PTPRD: variants seen among roughly 807,000 people sequenced by gnomAD.
PTPRD encodes the protein protein tyrosine phosphatase receptor type D, also known as receptor-type tyrosine-protein phosphatase delta.
A neutral mutation model predicts 214.5 loss-of-function variants in PTPRD; 34 were observed. The observed-to-expected ratio is 0.16, with a 90% CI of 0.12 to 0.21. The LOEUF is 0.21. Ranked by LOEUF, PTPRD falls within the 10% of genes least tolerant of loss-of-function variation. The probability of loss-of-function intolerance (pLI) is 1.00; values close to 1 mark genes in which losing one functional copy is unlikely to be tolerated. For missense variants in PTPRD, 2,545 were observed against 2,398.7 expected, an observed-to-expected ratio of 1.06 and a Z score of -1.27; for synonymous variants, 1,128 against 845.7, an observed-to-expected ratio of 1.33 and a Z score of -5.79.
intron 11 of PTPRD, among the ~76,000 whole-genome samples, chr9:8,980,166 T>A (rs1197924851): frequency 6.6e-6 from 1 of 151,988 alleles, no homozygotes; most frequent in Non-Finnish European, 1.5e-5. Context: ...CATATGTGAA[T>A]TTTTTTAAAA....
intron 9 of PTPRD, among the ~76,000 whole-genome samples, chr9:9,238,147 G>A (rs952966897): frequency 2.6e-5 from 4 of 151,980 alleles, no homozygotes; most frequent in Non-Finnish European, 4.4e-5. Context: ...TCCAGGAAAG[G>A]CACTATTGAC....
intron 11 of PTPRD, among the ~76,000 whole-genome samples, chr9:8,905,591 T>G (rs1013476771): frequency 6.6e-6 from 1 of 151,776 alleles, no homozygotes; most frequent in African/African-American, 2.4e-5. Flanking sequence ...ATACAAAAAT[T>G]AGTTGGGCAT....
chr9:10,311,549 C>G (rs560876579), intron 3 of PTPRD, among the ~76,000 whole-genome samples: 32 of 152,114 alleles, frequency 2.1e-4, no homozygotes, highest in Non-Finnish European at 3.5e-4. Context: ...TATGCTCATT[C>G]TATCCTGCAT....
At chr9:9,959,693 G>C (rs772143733) in intron 4 of PTPRD, among the ~76,000 whole-genome samples, 12 of 152,124 alleles carry the variant, frequency 7.9e-5, no homozygotes, top group Non-Finnish European at 1.6e-4. Flanking sequence ...TACTTGAGTT[G>C]ATAAAGTTGT....
chr9:8,820,281 A>G (rs1037074509), intron 11 of PTPRD, among the ~76,000 whole-genome samples: 1 of 152,140 alleles, frequency 6.6e-6, no homozygotes, highest in African/African-American at 2.4e-5. Flanking sequence ...ATGAAAGGTC[A>G]CTCAGCTAGT....
intron 3 of PTPRD, among the ~76,000 whole-genome samples, chr9:10,305,878 T>A (rs2096050097): frequency 6.6e-6 from 1 of 152,062 alleles, no homozygotes; most frequent in Non-Finnish European, 1.5e-5. Context: ...TCCTCAAGGA[T>A]CTAGAACTAG....
intron 4 of PTPRD, among the ~76,000 whole-genome samples, chr9:10,007,198 A>C (rs187636913): frequency 6.6e-6 from 1 of 152,178 alleles, no homozygotes; most frequent in East Asian, 1.9e-4. Flanking sequence ...GCACTAAACT[A>C]TATAAACCTT....
intron 3 of PTPRD, among the ~76,000 whole-genome samples, chr9:10,166,653 T>C (rs2099161072): frequency 6.6e-6 from 1 of 151,984 alleles, no homozygotes; most frequent in African/African-American, 2.4e-5. Context: ...CAAATCAAAT[T>C]TGAACCACCT....
chr9:8,948,917 G>T (rs1470625531), intron 11 of PTPRD, among the ~76,000 whole-genome samples: 1 of 151,758 alleles, frequency 6.6e-6, no homozygotes, highest in Admixed American at 6.6e-5. Flanking sequence ...TCTGAACACG[G>T]TTGTAAGAAT....
At chr9:10,000,232 G>A (rs901255734) in intron 4 of PTPRD, among the ~76,000 whole-genome samples, 8 of 152,104 alleles carry the variant, frequency 5.3e-5, no homozygotes, top group African/African-American at 1.4e-4. Flanking sequence ...GCAAACTGGT[G>A]TTGCAATACA....
chr9:10,003,227 A>G (rs994546884), intron 4 of PTPRD, among the ~76,000 whole-genome samples: 1 of 151,802 alleles, frequency 6.6e-6, no homozygotes, highest in Non-Finnish European at 1.5e-5. Flanking sequence ...ACATGTAGTT[A>G]TATGCCTAGA....
intron 2 of PTPRD, among the ~76,000 whole-genome samples, chr9:10,504,728 A>C: frequency 6.6e-6 from 1 of 152,212 alleles, no homozygotes; most frequent in East Asian, 1.9e-4. Flanking sequence ...CTCCACAGGC[A>C]TAAAGCTAAT....
At position 9,877,646 on chromosome 9, in the gene PTPRD, A is replaced by G. The variant is rs16930470; in HGVS notation, c.-368+60861T>C. Among the ~76,000 whole-genome samples the G allele has an allele frequency of 6.7e-3, 1,015 of 152,244 alleles. 8 individuals carry two copies. The highest frequency in any genetic ancestry group is 0.023 in the African/African-American group (975 of 41,548). ...TGGGTACATTCTAGATCACCAAGATAGGAAAACAGGTTTTGATTAAGTGTA... is the reference window on the plus strand; with the variant it reads ...TGGGTACATTCTAGATCACCAAGATGGGAAAACAGGTTTTGATTAAGTGTA... On this transcript the variant is annotated intron_variant, in intron 5 of 45. Coordinates refer to ENST00000381196, the MANE Select transcript of PTPRD (RefSeq NM_002839.4).
chr9:10,347,705 C>T (rs539741418), intron 2 of PTPRD, among the ~76,000 whole-genome samples: 59 of 152,050 alleles, frequency 3.9e-4, no homozygotes, highest in Non-Finnish European at 7.4e-4. Flanking sequence ...TCACTGCACC[C>T]GGCCAGCTAT....
At chr9:8,558,635 C>G (rs1219337028) in intron 14 of PTPRD, among the ~76,000 whole-genome samples, 1 of 152,182 alleles carries the variant, frequency 6.6e-6, no homozygotes, top group East Asian at 1.9e-4. Context: ...AGAACCCAGA[C>G]AGTCAACGGG....
Position 10,519,050 on chromosome 9 carries a change from T to C in PTPRD, c.-600+93348A>G, listed in dbSNP as rs890502789. Reference sequence around the variant, plus strand: ...TAACTCTTACCTTTTGCCTCCCAGCTTTCTGATACTACAAATCCAGCAGCA... The same window carrying C: ...TAACTCTTACCTTTTGCCTCCCAGCCTTCTGATACTACAAATCCAGCAGCA... On this transcript the variant is annotated intron_variant, in intron 2 of 45. Transcript: ENST00000381196. Among the ~76,000 whole-genome samples the C allele has an allele frequency of 5.3e-5, 8 of 151,896 alleles. No homozygotes were observed. In the East Asian group the frequency reaches 7.7e-4, roughly 15 times the overall value.
chr9:8,317,477 A>C lies in PTPRD; in HGVS notation c.*397T>G, dbSNP rs1055800753. On this transcript the variant is annotated 3_prime_UTR_variant, in exon 46 of 46. Coordinates refer to ENST00000381196, the MANE Select transcript of PTPRD (RefSeq NM_002839.4). ...GCGATGTCAAAGCAGAGTCCGTTTC[A>C]TTGTGAGAAGCCACACCAGCACATA... 8.2e-6 allele frequency: 2 copies of C among 244,104 alleles called. No homozygotes were observed. Among genetic ancestry groups the C allele is most frequent in the East Asian group, 1.1e-4 (2 of 17,604 alleles). The allele number at this position is 244,104 out of a possible 1,614,324, so 15.1% of individuals were successfully genotyped here.
rs183910681 is a variant in PTPRD at position 8,332,479 on chromosome 9, T to A, written c.5380-743A>T. On this transcript the variant is annotated intron_variant, in intron 43 of 45. Transcript: ENST00000381196. Reference sequence around the variant, plus strand: ...AATGCCCTTTTCTGAAAAAGAGCTCTCCCTGGCTGACCACAGGAATTAACA... The same window carrying A: ...AATGCCCTTTTCTGAAAAAGAGCTCACCCTGGCTGACCACAGGAATTAACA... 7.1e-3 allele frequency among the ~76,000 whole-genome samples: 1,079 copies of A among 152,188 alleles called. 45 individuals carry two copies. Among genetic ancestry groups the A allele is most frequent in the Admixed American group, 0.06 (917 of 15,276 alleles).
intron 11 of PTPRD, among the ~76,000 whole-genome samples, chr9:8,919,303 G>C (rs1017459273): frequency 2.0e-5 from 3 of 150,536 alleles, no homozygotes; most frequent in African/African-American, 7.4e-5. Flanking sequence ...TGAGGCAGGA[G>C]AATCGCTTGA....
Sources: gnomAD v4.1 joint callset for allele counts (sites outside exome capture counted in the v4.1 genomes callset) on GRCh38, gnomAD v4.1.1 for gene constraint, MANE v1.5 for transcripts, NCBI Gene and HGNC (gene_info 2026-07-23, HGNC 2026-07-21) for gene names.